The following NR2C2 variants were observed in gnomAD, a reference collection of about 807,000 sequenced individuals.
NR2C2 encodes Nuclear hormone receptor TR4.
NR2C2 carries 6 observed loss-of-function variants against 62.9 expected under a neutral mutation model. The observed-to-expected ratio is 0.10, with a 90% CI of 0.05 to 0.19. The LOEUF (loss-of-function observed/expected upper bound fraction) is 0.19. Among genes scored for constraint, NR2C2 ranks in the 10% least tolerant of loss-of-function variants. The probability of loss-of-function intolerance (pLI) is 1.00; values close to 1 mark genes in which losing one functional copy is unlikely to be tolerated. For synonymous variants in NR2C2, 272 were observed against 273.8 expected (o/e 0.99, Z 0.07); for missense variants, 479 against 762.7 (o/e 0.63, Z 4.38).
At chr3:15,013,917 AGG>A in intron 3 of NR2C2, 128 bp downstream of exon 3, 1 of 960,720 alleles carries the variant, frequency 1.0e-6, no homozygotes, top group Non-Finnish European at 1.6e-6. Context: ...CAAACATGGC[AGG>A]TTGCTGCTTT....
At chr3:15,004,579 C>T in intron 2 of NR2C2, 1 of 1,612,984 alleles carries the variant, frequency 6.2e-7, no homozygotes, top group Non-Finnish European at 8.5e-7. Flanking sequence ...GCCTCTGGCC[C>T]ATTGAGTGTT....
At chr3:14,953,845 A>G (rs2039440578) in intron 1 of NR2C2, among the ~76,000 whole-genome samples, 1 of 150,876 alleles carries the variant, frequency 6.6e-6, no homozygotes, top group South Asian at 2.1e-4. Flanking sequence ...CAGTGAACCA[A>G]GATCACGCCA....
At chr3:14,996,148 G>A (rs1015876629) in intron 1 of NR2C2, among the ~76,000 whole-genome samples, 1 of 152,146 alleles carries the variant, frequency 6.6e-6, no homozygotes, top group Admixed American at 6.5e-5. Flanking sequence ...CCGTCTTGAA[G>A]CACAAAAGAT....
chr3:14,992,107 C>T (rs2124843273), intron 1 of NR2C2, among the ~76,000 whole-genome samples: 1 of 152,242 alleles, frequency 6.6e-6, no homozygotes, highest in East Asian at 1.9e-4. Context: ...GTTCATTTTT[C>T]AGCAAGTGAT....
At chr3:15,021,456 G>C (rs1485231278) in intron 5 of NR2C2, among the ~76,000 whole-genome samples, 1 of 152,202 alleles carries the variant, frequency 6.6e-6, no homozygotes, top group African/African-American at 2.4e-5. Flanking sequence ...CTGGATGTGT[G>C]GGGCAGCCAG....
chr3:14,964,659 C>T (rs1031266116), intron 1 of NR2C2, among the ~76,000 whole-genome samples: 3 of 151,702 alleles, frequency 2.0e-5, no homozygotes, highest in Admixed American at 6.6e-5. Flanking sequence ...GGACTACAGG[C>T]GCCCGCCACC....
intron 1 of NR2C2, among the ~76,000 whole-genome samples, chr3:14,991,683 ACT>A (rs1408218567): frequency 2.6e-5 from 4 of 151,780 alleles, no homozygotes; most frequent in Non-Finnish European, 5.9e-5. Context: ...AGATTTGGAA[ACT>A]CTTAATATTG....
At chr3:14,992,427 G>C (rs907259943) in intron 1 of NR2C2, among the ~76,000 whole-genome samples, 1 of 152,168 alleles carries the variant, frequency 6.6e-6, no homozygotes, top group Admixed American at 6.5e-5. Context: ...AGTCTAGGCA[G>C]AGTCCCAGGA....
At chr3:14,948,326 C>T (rs554977975) in intron 1 of NR2C2, 93 of 152,458 alleles carry the variant, frequency 6.1e-4, no homozygotes, top group African/African-American at 2.1e-3. Flanking sequence ...GCTTCTAGTC[C>T]GCCTTTGGCG....
At chr3:14,999,817 G>C (rs916031945) in intron 1 of NR2C2, among the ~76,000 whole-genome samples, 2 of 152,054 alleles carry the variant, frequency 1.3e-5, no homozygotes, top group African/African-American at 4.8e-5. Flanking sequence ...ATATAGGTGA[G>C]GGTTTATTTC....
chr3:15,039,094 C>T, intron 12 of NR2C2, 28 bp from the exon 13 acceptor site: 2 of 1,485,144 alleles, frequency 1.3e-6, no homozygotes, highest in Non-Finnish European at 1.9e-6. Context: ...ACAGAGGGAA[C>T]TGGGGGGGGG....
chr3:14,960,543 T>C (rs2039662553), intron 1 of NR2C2, among the ~76,000 whole-genome samples: 1 of 152,238 alleles, frequency 6.6e-6, no homozygotes, highest in South Asian at 2.1e-4. Context: ...GCCACCTCTT[T>C]TAGGGAACCC....
At chr3:14,983,462 T>TACACAC (rs34788861) in intron 1 of NR2C2, among the ~76,000 whole-genome samples, 29,285 of 146,664 alleles carry the variant, frequency 0.2, 2,791 homozygotes, top group African/African-American at 0.21. Context: ...ATACTCTTTA[T>TACACAC]ACACACACAC....
rs1278828300 is a variant in NR2C2 at position 15,008,216 on chromosome 3, G to T, written c.72+4230G>T. Among the ~76,000 whole-genome samples the T allele has an allele frequency of 1.9e-4, 24 of 127,694 alleles. 1 individual carries two copies. Among genetic ancestry groups the T allele is most frequent in the African/African-American group, 4.2e-4 (13 of 30,888 alleles). The allele number at this position is 127,694 out of a possible 152,430, so 83.8% of individuals were successfully genotyped here. A position where few individuals can be genotyped will look rare whatever the true frequency, so the allele number is the denominator to read the frequency against. The stretch of plus-strand genomic sequence containing the variant: ...ATGTTAGCAAACAGTTTTTTTGTTT[G>T]TTTGTTTTTTTTTTTAAATTAGGGG... On this transcript the variant is annotated intron_variant, in intron 2 of 13. Coordinates refer to ENST00000425241, the MANE Select transcript of NR2C2 (RefSeq NM_001291694.2).
At chr3:15,021,052 G>T in intron 5 of NR2C2, 120 bp downstream of exon 5, 1 of 992,760 alleles carries the variant, frequency 1.0e-6, no homozygotes. Context: ...ATGCACTCAG[G>T]CTTCATTTTG....
intron 1 of NR2C2, among the ~76,000 whole-genome samples, chr3:14,976,864 C>A (rs2040221579): frequency 6.6e-6 from 1 of 152,044 alleles, no homozygotes; most frequent in Non-Finnish European, 1.5e-5. Flanking sequence ...CATTCCTTAT[C>A]TACATGGGTG....
At chr3:14,953,955 G>A (rs1245698536) in intron 1 of NR2C2, among the ~76,000 whole-genome samples, 4 of 151,402 alleles carry the variant, frequency 2.6e-5, no homozygotes, top group East Asian at 1.9e-4. Context: ...CAATACTAGC[G>A]GGCTTCATGC....
At chr3:14,951,051 TTAA>T (rs1319420901) in intron 1 of NR2C2, among the ~76,000 whole-genome samples, 2 of 152,248 alleles carry the variant, frequency 1.3e-5, no homozygotes, top group East Asian at 1.9e-4. Flanking sequence ...TGCATGAAAG[TTAA>T]TAAGTTCATA....
intron 1 of NR2C2, among the ~76,000 whole-genome samples, chr3:14,984,602 G>C (rs2040465030): frequency 6.6e-6 from 1 of 152,104 alleles, no homozygotes; most frequent in Non-Finnish European, 1.5e-5. Flanking sequence ...GAAGTTATTT[G>C]AGACTCATCC....
Sources: gnomAD v4.1 joint callset for allele counts (sites outside exome capture counted in the v4.1 genomes callset) on GRCh38, gnomAD v4.1.1 for gene constraint, MANE v1.5 for transcripts, NCBI Gene and HGNC (gene_info 2026-07-23, HGNC 2026-07-21) for gene names.